Variants in SKOR2 observed in about 807,000 individuals in gnomAD.
SKOR2 encodes the protein LBX1 corepressor 1-like protein.
In SKOR2, 47 loss-of-function variants were observed where a neutral mutation model predicts 69.1. The observed-to-expected ratio is 0.68, with a 90% CI of 0.54 to 0.87. The LOEUF (loss-of-function observed/expected upper bound fraction) is 0.87, where lower values mean the gene tolerates loss of function less well. Among genes scored for constraint, SKOR2 ranks in the 40% least tolerant of loss-of-function variants. SKOR2 has a pLI of 0.00. For synonymous variants in SKOR2, 717 were observed against 672.6 expected (o/e 1.07, Z -1.02); for missense variants, 1,404 against 1,472.2 (o/e 0.95, Z 0.76).
intron 7 of SKOR2, among the ~76,000 whole-genome samples, chr18:47,217,218 G>A (rs150866525): frequency 6.6e-6 from 1 of 152,248 alleles, no homozygotes; most frequent in African/African-American, 2.4e-5. Context: ...TTTGAGAAGG[G>A]CCACACCATT....
chr18:47,208,945 T>C (rs1262554108), intron 8 of SKOR2, among the ~76,000 whole-genome samples: 1 of 152,200 alleles, frequency 6.6e-6, no homozygotes, highest in Non-Finnish European at 1.5e-5. Flanking sequence ...CAATGGGGAC[T>C]ATGCTTAGGT....
intron 6 of SKOR2, among the ~76,000 whole-genome samples, chr18:47,221,538 C>T (rs1241102344): frequency 6.6e-6 from 1 of 152,220 alleles, no homozygotes; most frequent in African/African-American, 2.4e-5. Context: ...ATACTTCCAG[C>T]CTCTGTGCCT....
intron 5 of SKOR2, 21 bp from the exon 6 acceptor site, chr18:47,230,578 C>T (rs758737178): frequency 1.5e-6 from 2 of 1,330,714 alleles, no homozygotes; most frequent in South Asian, 3.6e-5. Flanking sequence ...AAAGAAGAGT[C>T]ATTTTACTAA....
intron 3 of SKOR2, 121 bp from the exon 4 acceptor site, chr18:47,245,103 T>C: frequency 1.3e-6 from 1 of 769,880 alleles, no homozygotes; most frequent in East Asian, 2.7e-5. Flanking sequence ...TTGAGAGCTA[T>C]TAACTCCAAG....
intron 4 of SKOR2, among the ~76,000 whole-genome samples, chr18:47,238,433 C>A (rs1162087649): frequency 2.7e-5 from 4 of 150,226 alleles, no homozygotes; most frequent in African/African-American, 9.8e-5. Context: ...AGCGATTCTC[C>A]TGCCTCAGCC....
At chr18:47,246,500 T>C in intron 2 of SKOR2, 71 bp downstream of exon 2, 2 of 1,415,032 alleles carry the variant, frequency 1.4e-6, no homozygotes, top group Non-Finnish European at 1.8e-6. Context: ...TGCGCATATG[T>C]AACCGATTCA....
At chr18:47,211,395 A>G (rs753876573) in intron 8 of SKOR2, among the ~76,000 whole-genome samples, 24 of 152,324 alleles carry the variant, frequency 1.6e-4, no homozygotes, top group Non-Finnish European at 3.1e-4. Flanking sequence ...TTGCATTCCC[A>G]CAATTCTAAT....
chr18:47,223,858 T>C (rs566117794), intron 6 of SKOR2, among the ~76,000 whole-genome samples: 1 of 152,100 alleles, frequency 6.6e-6, no homozygotes, highest in Admixed American at 6.5e-5. Context: ...GATATAAAGA[T>C]TGTTAATTGG....
At chr18:47,249,289 G>A (rs1025212973) in intron 1 of SKOR2, 59 bp from the exon 2 acceptor site, 3 of 1,345,324 alleles carry the variant, frequency 2.2e-6, no homozygotes, top group African/African-American at 2.9e-5. Context: ...CAGAGGGGTG[G>A]GATGAATCGC....
At position 47,249,188 on chromosome 18, in the gene SKOR2, G is replaced by A. The variant is rs779300237; in HGVS notation, c.-5C>T. The A allele has an allele frequency of 6.5e-7, 1 of 1,533,568 alleles. No homozygotes were observed. Among genetic ancestry groups the A allele is most frequent in the South Asian group, 1.2e-5 (1 of 83,686 alleles). 95.0% of individuals were successfully genotyped at this position (1,533,568 alleles called of 1,614,324 possible). Reference sequence around the variant, plus strand: ...TGGCAGCGGACTGGAAGCCATCTCCGCCGCAGAACCCCGGGCCGAGCCCTA... The same window carrying A: ...TGGCAGCGGACTGGAAGCCATCTCCACCGCAGAACCCCGGGCCGAGCCCTA... On this transcript the variant is annotated 5_prime_UTR_variant, in exon 2 of 9. Coordinates refer to ENST00000425639, the MANE Select transcript of SKOR2 (RefSeq NM_001278063.4).
intron 4 of SKOR2, among the ~76,000 whole-genome samples, chr18:47,243,639 C>T (rs2064258641): frequency 6.6e-6 from 1 of 152,048 alleles, no homozygotes; most frequent in African/African-American, 2.4e-5. Flanking sequence ...ATATCATTGC[C>T]TTTGTGACTT....
At chr18:47,238,743 A>C (rs904333047) in intron 4 of SKOR2, among the ~76,000 whole-genome samples, 1 of 152,180 alleles carries the variant, frequency 6.6e-6, no homozygotes, top group Admixed American at 6.5e-5. Flanking sequence ...ATGTTTCCAT[A>C]GTTTGTGCAG....
chr18:47,209,924 T>C (rs1335335808), intron 8 of SKOR2, among the ~76,000 whole-genome samples: 1 of 152,098 alleles, frequency 6.6e-6, no homozygotes, highest in Non-Finnish European at 1.5e-5. Context: ...AGACCTTGTC[T>C]TTACAAAATA....
chr18:47,240,153 C>T (rs1176660042), intron 4 of SKOR2, among the ~76,000 whole-genome samples: 1 of 152,080 alleles, frequency 6.6e-6, no homozygotes, highest in Non-Finnish European at 1.5e-5. Context: ...GATTTTAAAA[C>T]TTCTATACAT....
intron 4 of SKOR2, among the ~76,000 whole-genome samples, chr18:47,232,029 A>G (rs1226716271): frequency 6.6e-6 from 1 of 151,788 alleles, no homozygotes; most frequent in African/African-American, 2.4e-5. Context: ...AGTTCCAGCA[A>G]CTTGGAGGCT....
intron 4 of SKOR2, among the ~76,000 whole-genome samples, chr18:47,241,956 A>G (rs1170079400): frequency 3.9e-5 from 6 of 152,190 alleles, no homozygotes; most frequent in African/African-American, 7.2e-5. Flanking sequence ...GTTATTACCA[A>G]TATAACTATT....
chr18:47,217,287 T>C (rs1266087434), intron 7 of SKOR2, among the ~76,000 whole-genome samples: 1 of 152,232 alleles, frequency 6.6e-6, no homozygotes, highest in Non-Finnish European at 1.5e-5. Context: ...TTCATGTTTA[T>C]TACTCACTTG....
chr18:47,229,084 C>A (rs2064188158), intron 6 of SKOR2, among the ~76,000 whole-genome samples: 1 of 152,130 alleles, frequency 6.6e-6, no homozygotes, highest in African/African-American at 2.4e-5. Context: ...GACATGTTAC[C>A]AGGAACCTGG....
Position 47,245,546 on chromosome 18 carries a change from C to T in SKOR2, c.2629G>A (p.Glu877Lys). The change falls in exon 3 of 9, where the codon GAA becomes AAA. Residue 877 changes from glutamate (E) to lysine (K), a missense_variant. Physicochemically the swap from Glu to Lys is moderately conservative, Grantham distance 56. Around this residue, in one of 3 missense-constraint regions of SKOR2, gnomAD observed 1,266 missense variants for 1,309.9 expected, o/e 0.97. Transcript: ENST00000425639. ...PSYKDSQKTKENNQVIVSTKD... is the reference protein window; with the variant it reads ...PSYKDSQKTKKNNQVIVSTKD... The stretch of plus-strand genomic sequence containing the variant: ...GTAGATACAATTACTTGGTTATTTT[C>T]CTTAGTTTTCTGACTCTGTGTGGAA... 1 of 1,400,302 alleles carries T rather than the reference C, an allele frequency of 7.1e-7. No individual in the cohort carries two copies. The highest frequency in any genetic ancestry group is 9.3e-7 in the Non-Finnish European group (1 of 1,075,448). The allele number at this position is 1,400,302 out of a possible 1,614,324, so 86.7% of individuals were successfully genotyped here.
Sources: allele counts gnomAD v4.1 joint callset (sites outside exome capture counted in the v4.1 genomes callset), GRCh38; gene constraint gnomAD v4.1.1; regional missense constraint gnomAD v4.1.1; transcripts MANE v1.5; gene names NCBI Gene and HGNC (gene_info 2026-07-23, HGNC 2026-07-21).